KLHDC1: variants seen among roughly 807,000 people sequenced by gnomAD.
KLHDC1 encodes kelch domain containing 1.
Under a neutral mutation model 68.3 loss-of-function variants are expected in KLHDC1, and 53 were observed. The ratio of observed to expected loss-of-function variants is 0.78; its 90% CI spans 0.62 to 0.98. The LOEUF (loss-of-function observed/expected upper bound fraction) is 0.98. Among genes scored for constraint, KLHDC1 ranks in the 50% least tolerant of loss-of-function variants. KLHDC1 has a pLI of 0.00. For missense variants in KLHDC1, 470 were observed against 492.3 expected (o/e 0.95, Z 0.43); for synonymous variants, 148 against 159.0 (o/e 0.93, Z 0.52).
intron 1 of KLHDC1, chr14:49,699,941 T>A (rs899738482): frequency 9.5e-6 from 2 of 210,964 alleles, no homozygotes; most frequent in African/African-American, 4.8e-5. Flanking sequence ...TTGGCATGTT[T>A]GCAGGTAGTA....
chr14:49,709,569 T>TTTACATTA, intron 2 of KLHDC1, 140 bp from the exon 3 acceptor site: 1 of 477,528 alleles, frequency 2.1e-6, no homozygotes, highest in Non-Finnish European at 3.7e-6. Context: ...TCTTAGAGTT[T>TTTACATTA]TTACATTATT....
intron 12 of KLHDC1, among the ~76,000 whole-genome samples, chr14:49,749,503 A>G (rs1467003220): frequency 1.3e-5 from 2 of 151,386 alleles, no homozygotes; most frequent in Non-Finnish European, 1.5e-5. Context: ...TGGTGAAACC[A>G]TGTCTCGACT....
At chr14:49,722,444 C>A (rs1888552264) in intron 4 of KLHDC1, among the ~76,000 whole-genome samples, 3 of 152,154 alleles carry the variant, frequency 2.0e-5, no homozygotes, top group African/African-American at 7.2e-5. Context: ...AGGACATGAA[C>A]TCATCCTTTT....
At chr14:49,723,112 A>G (rs1266100114) in intron 4 of KLHDC1, among the ~76,000 whole-genome samples, 17 of 124,884 alleles carry the variant, frequency 1.4e-4, no homozygotes, top group Admixed American at 8.1e-4. Context: ...AAAAAAAAAA[A>G]AAGAAGAGAA....
chr14:49,710,593 T>C (rs1888173733), intron 4 of KLHDC1, among the ~76,000 whole-genome samples: 1 of 152,198 alleles, frequency 6.6e-6, no homozygotes, highest in Non-Finnish European at 1.5e-5. Context: ...CTTGAGTAAA[T>C]CCAGTGCTTA....
intron 10 of KLHDC1, among the ~76,000 whole-genome samples, chr14:49,739,897 A>T (rs552478799): frequency 2.6e-5 from 4 of 152,168 alleles, no homozygotes; most frequent in South Asian, 2.1e-4. Flanking sequence ...ACAGAGAGAG[A>T]GTCATCTCTT....
chr14:49,725,075 GAC>G (rs1888632371), intron 5 of KLHDC1, among the ~76,000 whole-genome samples: 1 of 152,096 alleles, frequency 6.6e-6, no homozygotes, highest in Non-Finnish European at 1.5e-5. Context: ...ATGTCTTTCT[GAC>G]ACACAATATA....
chr14:49,742,839 C>A (rs1412469441), intron 11 of KLHDC1, among the ~76,000 whole-genome samples: 1 of 152,006 alleles, frequency 6.6e-6, no homozygotes, highest in Non-Finnish European at 1.5e-5. Context: ...AATCCCAGCA[C>A]TTTGGAAGGC....
At chr14:49,745,581 GAGA>G (rs1263910349) in intron 12 of KLHDC1, among the ~76,000 whole-genome samples, 1 of 152,226 alleles carries the variant, frequency 6.6e-6, no homozygotes, top group African/African-American at 2.4e-5. Flanking sequence ...GAGAATACTG[GAGA>G]AGAAGGCCTT....
In KLHDC1 at chr14:49,752,349, C is replaced by G. The variant is rs1889336693; in HGVS notation, c.*577C>G. The stretch of plus-strand genomic sequence containing the variant: ...TTCTTAGGCATCATCATAACTTTTC[C>G]TCACCTTTATTCGAATAGAGGAATA... On this transcript the variant is annotated 3_prime_UTR_variant, in exon 13 of 13. Transcript: ENST00000359332. 6.6e-6 allele frequency: 1 copy of G among 152,426 alleles called. No homozygotes were observed. Among genetic ancestry groups the G allele is most frequent in the South Asian group, 2.1e-4 (1 of 4,828 alleles). 9.4% of individuals were successfully genotyped at this position (152,426 alleles called of 1,614,324 possible). A position where few individuals can be genotyped will look rare whatever the true frequency, so the allele number is the denominator to read the frequency against.
At chr14:49,728,650 A>C (rs1888729030) in intron 6 of KLHDC1, among the ~76,000 whole-genome samples, 1 of 152,244 alleles carries the variant, frequency 6.6e-6, no homozygotes, top group South Asian at 2.1e-4. Flanking sequence ...TATTTCAAAC[A>C]AAAATTTACA....
intron 10 of KLHDC1, among the ~76,000 whole-genome samples, chr14:49,739,305 T>C (rs905256246): frequency 1.3e-5 from 2 of 152,128 alleles, no homozygotes; most frequent in African/African-American, 4.8e-5. Context: ...AGCCAAGAAT[T>C]AAGATTTGTG....
chr14:49,750,875 C>A (rs950574397), intron 12 of KLHDC1: 1 of 152,178 alleles, frequency 6.6e-6, no homozygotes, highest in African/African-American at 2.4e-5. Context: ...CTTGGCACTT[C>A]CTGTATCGCT....
chr14:49,749,368 G>C lies in KLHDC1; in HGVS notation c.1035-2218G>C, dbSNP rs7147462. Among the ~76,000 whole-genome samples, 804 of 151,966 alleles carry C rather than the reference G, an allele frequency of 5.3e-3. 7 individuals carry two copies. Among genetic ancestry groups the C allele is most frequent in the African/African-American group, 0.019 (771 of 41,394 alleles). On this transcript the variant is annotated intron_variant, in intron 12 of 12. Transcript: ENST00000359332. ...GTAATGGCTATATAGGTTCTATCTC[G>C]TGGAAATACAGTTTATTGGCTAGGT...
intron 1 of KLHDC1, among the ~76,000 whole-genome samples, chr14:49,699,480 A>G (rs1445742694): frequency 6.6e-6 from 1 of 152,134 alleles, no homozygotes; most frequent in East Asian, 1.9e-4. Context: ...TCTTCTAACA[A>G]TTATCTTATT....
intron 1 of KLHDC1, among the ~76,000 whole-genome samples, chr14:49,708,157 G>A (rs913386131): frequency 2.1e-5 from 3 of 144,756 alleles, no homozygotes; most frequent in Admixed American, 7.1e-5. Flanking sequence ...TGCAACCTCC[G>A]TCTCCCAGGT....
intron 4 of KLHDC1, among the ~76,000 whole-genome samples, chr14:49,718,986 C>T (rs1343131888): frequency 6.6e-6 from 1 of 151,800 alleles, no homozygotes; most frequent in Non-Finnish European, 1.5e-5. Flanking sequence ...ACCATGTTGG[C>T]CAAACTGGTC....
At chr14:49,724,260 G>A (rs181745998) in intron 5 of KLHDC1, among the ~76,000 whole-genome samples, 4 of 151,818 alleles carry the variant, frequency 2.6e-5, no homozygotes, top group Admixed American at 1.3e-4. Context: ...ATATTTAACC[G>A]CAAAAGCTAT....
chr14:49,714,285 A>G (rs1220080961), intron 4 of KLHDC1, among the ~76,000 whole-genome samples: 1 of 151,462 alleles, frequency 6.6e-6, no homozygotes, highest in African/African-American at 2.4e-5. Flanking sequence ...CAGCCTGGCC[A>G]GCATAGTGAA....
Sources: allele counts gnomAD v4.1 joint callset (sites outside exome capture counted in the v4.1 genomes callset), GRCh38; gene constraint gnomAD v4.1.1; transcripts MANE v1.5; gene names NCBI Gene and HGNC (gene_info 2026-07-23, HGNC 2026-07-21).